The following ALDH1L1 variants were observed in gnomAD, a reference collection of about 807,000 sequenced individuals.
The protein encoded by ALDH1L1 is aldehyde dehydrogenase 1 family member L1.
ALDH1L1 carries 68 observed loss-of-function variants against 101.1 expected under a neutral mutation model. That is an observed-to-expected ratio of 0.67 (90% CI 0.55 to 0.82). ALDH1L1 has a LOEUF of 0.82. ALDH1L1 is among the 40% of genes least tolerant of loss of function. The probability of loss-of-function intolerance (pLI) is 0.00; values close to 1 mark genes in which losing one functional copy is unlikely to be tolerated. For synonymous variants in ALDH1L1, 486 were observed against 470.8 expected (o/e 1.03, Z -0.42); for missense variants, 1,087 against 1,172.7 (o/e 0.93, Z 1.07).
chr3:126,167,526 A>C (rs1394658324), intron 1 of ALDH1L1, among the ~76,000 whole-genome samples: 4 of 152,096 alleles, frequency 2.6e-5, no homozygotes, highest in Non-Finnish European at 5.9e-5. Flanking sequence ...CCTAAGATAA[A>C]CCATAATTGG....
chr3:126,144,049 C>T (rs980337732), intron 9 of ALDH1L1, among the ~76,000 whole-genome samples: 9 of 152,048 alleles, frequency 5.9e-5, no homozygotes, highest in Admixed American at 5.9e-4. Flanking sequence ...TGCAAAAAAA[C>T]AGTTGCAACT....
intron 9 of ALDH1L1, among the ~76,000 whole-genome samples, chr3:126,143,180 G>A (rs757782228): frequency 3.3e-5 from 5 of 151,958 alleles, no homozygotes; most frequent in Non-Finnish European, 7.4e-5. Flanking sequence ...ATTTTGTAAG[G>A]GTACACAAAG....
intron 14 of ALDH1L1, chr3:126,129,257 C>G (rs1047789256): frequency 6.6e-6 from 1 of 152,280 alleles, no homozygotes; most frequent in Non-Finnish European, 1.5e-5. Flanking sequence ...TCTGCATGAG[C>G]TGTCAGTGAC....
chr3:126,147,434 C>T (rs2080718046), intron 8 of ALDH1L1, among the ~76,000 whole-genome samples: 1 of 152,236 alleles, frequency 6.6e-6, no homozygotes, highest in Admixed American at 6.5e-5. Flanking sequence ...GGGTCTTGAC[C>T]TCACCAAGAT....
chr3:126,106,066 AGATTG>A, intron 21 of ALDH1L1, 141 bp from the exon 22 acceptor site: 1 of 891,930 alleles, frequency 1.1e-6, no homozygotes, highest in Non-Finnish European at 1.7e-6. Flanking sequence ...GCCGGGGGCA[AGATTG>A]GGTTGGGTTG....
intron 12 of ALDH1L1, among the ~76,000 whole-genome samples, chr3:126,131,888 TC>T (rs1264641777): frequency 6.6e-6 from 1 of 152,256 alleles, no homozygotes; most frequent in African/African-American, 2.4e-5. Context: ...AGGCTGCCCT[TC>T]CTGTCTTCGG....
intron 12 of ALDH1L1, among the ~76,000 whole-genome samples, chr3:126,131,827 G>A (rs1363364502): frequency 2.0e-5 from 3 of 152,324 alleles, no homozygotes; most frequent in Admixed American, 1.3e-4. Context: ...AAATTATCCT[G>A]CAGAGGCATT....
At chr3:126,138,220 A>C (rs1000363017) in intron 9 of ALDH1L1, among the ~76,000 whole-genome samples, 1 of 152,194 alleles carries the variant, frequency 6.6e-6, no homozygotes, top group African/African-American at 2.4e-5. Context: ...TTCACCTGTA[A>C]AACAGAAATA....
In ALDH1L1 at chr3:126,157,442, G is replaced by T. The variant is rs138630452; in HGVS notation, c.429C>A (p.Thr143=). Residue 143 remains threonine (T), a synonymous_variant, in exon 4 of 23, where the codon ACC becomes ACA. Transcript: ENST00000393434. ...ACTCCTTCTGCAGCAGCAGGTCTCC[G>T]GTGTCCAGACCATCATCCGCCCAGA... is the stretch of plus-strand genomic sequence containing the variant. ...SIFWADDGLD[T]GDLLLQKECE... is the part of the protein sequence containing the mutation. The T allele has an allele frequency of 1.8e-3, 2,877 of 1,614,112 alleles. 1 individual carries two copies. Among genetic ancestry groups the T allele is most frequent in the Non-Finnish European group, 2.3e-3 (2,684 of 1,180,018 alleles).
chr3:126,155,506 G>A lies in ALDH1L1; in HGVS notation c.529-3C>T, dbSNP rs926720017. 8 of 1,607,084 alleles carry A rather than the reference G, an allele frequency of 5.0e-6. No individual in the cohort carries two copies. In the African/African-American group the frequency reaches 1.1e-4, roughly 22 times the overall value. On this transcript the variant is annotated splice_polypyrimidine_tract_variant and splice_region_variant and intron_variant, in intron 4 of 22. Transcript: ENST00000393434. Reference sequence around the variant, plus strand: ...GCGATCAGCCTCACGGCCTGCACCTGGGGAGATCCAGTGGGTTGCTATCCC... The same window carrying A: ...GCGATCAGCCTCACGGCCTGCACCTAGGGAGATCCAGTGGGTTGCTATCCC...
chr3:126,131,239 C>G, intron 13 of ALDH1L1, 145 bp downstream of exon 13: 1 of 1,112,254 alleles, frequency 9.0e-7, no homozygotes, highest in South Asian at 2.0e-5. Context: ...TGCAGGACCA[C>G]AAGCTAATAA....
chr3:126,110,194 G>A (rs1330290940), intron 19 of ALDH1L1, 85 bp from the exon 20 acceptor site: 37 of 1,539,724 alleles, frequency 2.4e-5, no homozygotes, highest in Non-Finnish European at 3.0e-5. Context: ...TCTCATGGCT[G>A]ACCCCTGGGG....
chr3:126,154,888 G>GCCCAGACCCTACAC (rs2080874782), intron 5 of ALDH1L1, among the ~76,000 whole-genome samples: 1 of 152,130 alleles, frequency 6.6e-6, no homozygotes, highest in African/African-American at 2.4e-5. Context: ...TGTCAAGATG[G>GCCCAGACCCTACAC]CCCAGACCCT....
chr3:126,177,246 G>T (rs570256494), intron 1 of ALDH1L1, among the ~76,000 whole-genome samples: 1 of 152,180 alleles, frequency 6.6e-6, no homozygotes, highest in Non-Finnish European at 1.5e-5. Context: ...ACAAAAACCT[G>T]CACACAAATG....
At chr3:126,110,735 G>A (rs962106409) in intron 19 of ALDH1L1, among the ~76,000 whole-genome samples, 1 of 152,092 alleles carries the variant, frequency 6.6e-6, no homozygotes, top group African/African-American at 2.4e-5. Context: ...CCCACTGTGT[G>A]CCTCTGACTG....
upstream of ALDH1L1, among the ~76,000 whole-genome samples, chr3:126,186,479 G>C (rs1323438061): frequency 1.3e-5 from 2 of 152,084 alleles, no homozygotes; most frequent in Non-Finnish European, 2.9e-5. Flanking sequence ...GCAGGGCCCT[G>C]ACCCTGACCC....
intron 19 of ALDH1L1, among the ~76,000 whole-genome samples, chr3:126,110,847 T>A (rs898613505): frequency 1.2e-4 from 19 of 152,306 alleles, no homozygotes; most frequent in African/African-American, 4.3e-4. Flanking sequence ...GCTTTGTATC[T>A]TGGATACAAA....
At chr3:126,134,175 T>C (rs2080373154) in intron 12 of ALDH1L1, among the ~76,000 whole-genome samples, 1 of 152,186 alleles carries the variant, frequency 6.6e-6, no homozygotes, top group Admixed American at 6.5e-5. Flanking sequence ...GCCTCTGCTG[T>C]GCTGAGCTGA....
At chr3:126,132,483 A>G (rs1004957614) in intron 12 of ALDH1L1, among the ~76,000 whole-genome samples, 3 of 152,138 alleles carry the variant, frequency 2.0e-5, no homozygotes, top group Non-Finnish European at 4.4e-5. Context: ...TGGGGCCACA[A>G]GACCCCAGCT....
Sources: allele counts gnomAD v4.1 joint callset (sites outside exome capture counted in the v4.1 genomes callset), GRCh38; gene constraint gnomAD v4.1.1; transcripts MANE v1.5; gene names NCBI Gene and HGNC (gene_info 2026-07-23, HGNC 2026-07-21).